The following LYSMD1 variants were observed in gnomAD, a reference collection of about 807,000 sequenced individuals.
LYSMD1 encodes lysM and putative peptidoglycan-binding domain-containing protein 1.
A neutral mutation model predicts 19.3 loss-of-function variants in LYSMD1; 9 were observed. The observed-to-expected ratio is 0.47, with a 90% CI of 0.28 to 0.81. The LOEUF is 0.81. LYSMD1 is among the 40% of genes least tolerant of loss of function. LYSMD1 has a pLI of 0.11. For synonymous variants in LYSMD1, 111 were observed against 111.7 expected, an observed-to-expected ratio of 0.99 and a Z score of 0.04; for missense variants, 262 against 279.8, an observed-to-expected ratio of 0.94 and a Z score of 0.45.
chr1:151,161,037 G>T lies in LYSMD1; in HGVS notation c.546-17C>A. The T allele has an allele frequency of 1.9e-6, 3 of 1,612,658 alleles. No homozygotes were observed. The highest frequency in any genetic ancestry group is 1.3e-5 in the African/African-American group (1 of 75,056). On this transcript the variant is annotated splice_polypyrimidine_tract_variant and intron_variant, in intron 2 of 2. Coordinates refer to ENST00000368908, the MANE Select transcript of LYSMD1 (RefSeq NM_212551.5). ...CCAGGTACCCTGCAATTGAGGAAAG[G>T]GGGGAAAGAGTGACAGATCAAGGGA...
downstream of LYSMD1, chr1:151,159,444 G>C (rs945015665): frequency 3.0e-5 from 18 of 604,314 alleles, no homozygotes; most frequent in Middle Eastern, 4.6e-4. Flanking sequence ...AATGCTGAGG[G>C]GTGAGGCCTC....
downstream of LYSMD1, chr1:151,159,649 A>G (rs1012981891): frequency 4.4e-6 from 1 of 229,032 alleles, no homozygotes; most frequent in Admixed American, 5.2e-5. Context: ...GCCCTTAGAG[A>G]CAGAGCTTGG....
At chr1:151,159,370 C>A, downstream of LYSMD1, 3 of 1,129,092 alleles carry the variant, frequency 2.7e-6, no homozygotes, top group Non-Finnish European at 3.7e-6. Flanking sequence ...AGGCTTCATT[C>A]CTTCCCAAGA....
the LYSMD1 span, among the ~76,000 whole-genome samples, chr1:151,153,492 A>T: frequency 2.0e-5 from 3 of 151,326 alleles, no homozygotes; most frequent in African/African-American, 7.3e-5. Flanking sequence ...ATCTCTACTT[A>T]AAATACAAAA....
chr1:151,152,241 C>T, the LYSMD1 span, among the ~76,000 whole-genome samples: 3 of 150,282 alleles, frequency 2.0e-5, no homozygotes, highest in African/African-American at 7.4e-5. Flanking sequence ...ATTAAAAATA[C>T]AAAAAATTAG....
Position 151,160,810 on chromosome 1 carries a change from C to G in LYSMD1, c.*72G>C. On this transcript the variant is annotated 3_prime_UTR_variant, in exon 3 of 3. Coordinates refer to ENST00000368908, the MANE Select transcript of LYSMD1 (RefSeq NM_212551.5). ...AGGCTCATAAGCCATGTTCTTGAGC[C>G]TCACCTCAGGCTCCTCTCCCCCTGA... 6.5e-7 allele frequency: 1 copy of G among 1,541,332 alleles called. No individual in the cohort carries two copies. Among genetic ancestry groups the G allele is most frequent in the South Asian group, 1.2e-5 (1 of 84,944 alleles).
At chr1:151,155,628 A>T (rs2101677112), downstream of LYSMD1, among the ~76,000 whole-genome samples, 1 of 152,286 alleles carries the variant, frequency 6.6e-6, no homozygotes, top group Non-Finnish European at 1.5e-5. Context: ...AAGTAGGAAG[A>T]GCTCTTGAGC....
chr1:151,164,582 A>T (rs1239047245), intron 1 of LYSMD1, among the ~76,000 whole-genome samples: 3 of 152,240 alleles, frequency 2.0e-5, no homozygotes, highest in Non-Finnish European at 4.4e-5. Flanking sequence ...GGAGGAACCA[A>T]GAGCAAGGAG....
At position 151,165,864 on chromosome 1, in the gene LYSMD1, G is replaced by A; in HGVS notation, c.-606C>T. On this transcript the variant is annotated 5_prime_UTR_variant, in exon 1 of 3. Coordinates refer to ENST00000368908, the MANE Select transcript of LYSMD1 (RefSeq NM_212551.5). The stretch of plus-strand genomic sequence containing the variant: ...CGCCTCAGATCCGCCAAGATGCAAG[G>A]GCCTGGATCCAGTTGAGCGGCAAGG... The A allele has an allele frequency of 1.7e-6, 2 of 1,194,894 alleles. No homozygotes were observed. Among genetic ancestry groups the A allele is most frequent in the Non-Finnish European group, 2.4e-6 (2 of 822,006 alleles). 74.0% of individuals were successfully genotyped at this position (1,194,894 alleles called of 1,614,324 possible). A position where few individuals can be genotyped will look rare whatever the true frequency, so the allele number is the denominator to read the frequency against.
chr1:151,158,797 A>T, downstream of LYSMD1: 1 of 1,614,042 alleles, frequency 6.2e-7, no homozygotes, highest in Non-Finnish European at 8.5e-7. Context: ...CATAGATGAG[A>T]CAAGCAGTGA....
chr1:151,150,610 G>A, the LYSMD1 span, among the ~76,000 whole-genome samples: 1 of 152,048 alleles, frequency 6.6e-6, no homozygotes, highest in Non-Finnish European at 1.5e-5. Context: ...TCCTTGAAAT[G>A]CTTTCTTCTT....
At chr1:151,158,259 G>C (rs1683295341), downstream of LYSMD1, among the ~76,000 whole-genome samples, 1 of 151,220 alleles carries the variant, frequency 6.6e-6, no homozygotes, top group Non-Finnish European at 1.5e-5. Context: ...GGAGGTGGAG[G>C]TTGCAGTGAA....
At chr1:151,157,114 G>A (rs146639265), downstream of LYSMD1, among the ~76,000 whole-genome samples, 257 of 152,294 alleles carry the variant, frequency 1.7e-3, no homozygotes, top group Middle Eastern at 0.027. Flanking sequence ...GAATAAATGT[G>A]AGACGGCAAT....
At chr1:151,158,579 A>G (rs1217707200), downstream of LYSMD1, 3 of 1,015,544 alleles carry the variant, frequency 3.0e-6, no homozygotes, top group Non-Finnish European at 2.9e-6. Flanking sequence ...ACAAACAAAG[A>G]TGATGATGAC....
the LYSMD1 span, among the ~76,000 whole-genome samples, chr1:151,153,960 G>GA: frequency 4.4e-3 from 546 of 123,588 alleles, 3 homozygotes; most frequent in South Asian, 0.01. Context: ...CTCAATTGAA[G>GA]AAAAAAAAAA....
At chr1:151,152,311 A>C in the LYSMD1 span, among the ~76,000 whole-genome samples, 7 of 146,616 alleles carry the variant, frequency 4.8e-5, no homozygotes, top group East Asian at 2.1e-4. Context: ...GCAGGAGAAT[A>C]GCTTGAACCT....
the LYSMD1 span, among the ~76,000 whole-genome samples, chr1:151,154,570 G>A: frequency 6.6e-6 from 1 of 152,104 alleles, no homozygotes; most frequent in East Asian, 1.9e-4. Flanking sequence ...TAAAGACTAG[G>A]TAGCAGAATT....
intron 1 of LYSMD1, 57 bp from the exon 2 acceptor site, chr1:151,162,157 T>C: frequency 6.5e-7 from 1 of 1,531,226 alleles, no homozygotes; most frequent in African/African-American, 1.4e-5. Context: ...TCTTACATCT[T>C]GAGCTTTTTA....
downstream of LYSMD1, chr1:151,158,562 G>A (rs1225464966): frequency 2.3e-6 from 2 of 886,446 alleles, no homozygotes; most frequent in Non-Finnish European, 1.7e-6. Flanking sequence ...AGGGGGCGGA[G>A]AGGATGACAA....
Sources: gnomAD v4.1 joint callset for allele counts (sites outside exome capture counted in the v4.1 genomes callset) on GRCh38, gnomAD v4.1.1 for gene constraint, MANE v1.5 for transcripts, NCBI Gene and HGNC (gene_info 2026-07-23, HGNC 2026-07-21) for gene names.